Variants in NOMO2 observed in about 807,000 individuals in gnomAD.
NOMO2 encodes NODAL modulator 2, also known as BOS complex subunit NOMO2.
A neutral mutation model predicts 67.1 loss-of-function variants in NOMO2; 14 were observed. The observed-to-expected ratio is 0.21, with a 90% CI of 0.14 to 0.33. The LOEUF (loss-of-function observed/expected upper bound fraction) is 0.33, where lower values mean the gene tolerates loss of function less well. Among genes scored for constraint, NOMO2 ranks in the 10% least tolerant of loss-of-function variants. The pLI, the probability that NOMO2 is intolerant of heterozygous loss-of-function variation, is 1.00. For missense variants in NOMO2, 178 were observed against 761.0 expected (o/e 0.23, Z 9.01); for synonymous variants, 80 against 305.9 (o/e 0.26, Z 7.71).
At chr16:18,542,382 C>T (rs1901566417) in intron 8 of NOMO2, 121 bp from the exon 9 acceptor site, 1 of 692,034 alleles carries the variant, frequency 1.4e-6, no homozygotes, top group South Asian at 1.7e-5. Flanking sequence ...AAACATTCAT[C>T]ATAACTGTTG....
intron 13 of NOMO2, 144 bp downstream of exon 13, chr16:18,531,322 C>T (rs2434761): frequency 2.3e-5 from 29 of 1,273,646 alleles, no homozygotes; most frequent in African/African-American, 1.3e-4. Flanking sequence ...AGCTAACATG[C>T]ACCCACTTGA....
chr16:18,555,373 T>A (rs1226189407), intron 2 of NOMO2, among the ~76,000 whole-genome samples: 1 of 146,330 alleles, frequency 6.8e-6, no homozygotes. Context: ...GTACAAAAAA[T>A]GTTCTTAAAA....
intron 16 of NOMO2, among the ~76,000 whole-genome samples, chr16:18,525,240 A>G (rs1447558506): frequency 2.0e-5 from 3 of 151,152 alleles, no homozygotes; most frequent in Non-Finnish European, 4.4e-5. Context: ...AAAAAAAATC[A>G]GGTTTCTCTG....
intron 3 of NOMO2, among the ~76,000 whole-genome samples, chr16:18,552,469 GCACACACACA>G (rs201636709): frequency 4.1e-5 from 4 of 97,704 alleles, no homozygotes; most frequent in Non-Finnish European, 8.7e-5. Context: ...ACGCGTACAT[GCACACACACA>G]CACACACACA....
intron 11 of NOMO2, 30 bp downstream of exon 11, chr16:18,538,496 G>A: frequency 6.2e-7 from 1 of 1,612,880 alleles, no homozygotes; most frequent in East Asian, 2.2e-5. Flanking sequence ...CATATTTACT[G>A]GTGCTTCCAA....
intron 3 of NOMO2, 58 bp downstream of exon 3, chr16:18,554,749 A>G (rs1446557494): frequency 3.1e-6 from 1 of 322,492 alleles, no homozygotes; most frequent in Non-Finnish European, 5.6e-6. Context: ...GCCTAAATTA[A>G]TATTCGGCAT....
chr16:18,550,962 A>G (rs919404511), intron 4 of NOMO2, among the ~76,000 whole-genome samples: 16 of 151,666 alleles, frequency 1.1e-4, no homozygotes, highest in Admixed American at 7.9e-4. Context: ...GTTTGAGACC[A>G]GCCTGGCCAA....
chr16:18,540,261 TTCC>T (rs1038843817), intron 9 of NOMO2, among the ~76,000 whole-genome samples: 1 of 146,040 alleles, frequency 6.8e-6, no homozygotes, highest in African/African-American at 2.5e-5. Context: ...CAGGTAGTCC[TTCC>T]TGATCTTTCC....
At position 18,561,926 on chromosome 16, in the gene NOMO2, A is replaced by C. The variant is rs1229997038; in HGVS notation, c.115T>G (p.Cys39Gly). 6.3e-7 allele frequency: 1 copy of C among 1,579,250 alleles called. No individual in the cohort carries two copies. Among genetic ancestry groups the C allele is most frequent in the East Asian group, 2.3e-5 (1 of 42,640 alleles). Reference protein sequence around the residue: ...AHGSEDIVVGCGGFVKSDVEI... With the variant: ...AHGSEDIVVGGGGFVKSDVEI... ...ACGTCCGACTTGACGAAGCCACCGC[A>C]GCCCACCACGATGTCCTCCGAGCCG... Residue 39 changes from cysteine (C) to glycine (G), a missense_variant, in exon 1 of 31, where the codon TGC (cysteine) becomes GGC (glycine). Physicochemically the swap from Cys to Gly is radical, Grantham distance 159. Coordinates refer to ENST00000622306, the MANE Select transcript of NOMO2 (RefSeq NM_173614.4).
intron 9 of NOMO2, among the ~76,000 whole-genome samples, chr16:18,539,694 T>C (rs1596852665): frequency 6.6e-6 from 1 of 151,490 alleles, no homozygotes; most frequent in African/African-American, 2.4e-5. Context: ...GATGCGGAGG[T>C]TGCAGTGAGC....
intron 1 of NOMO2, among the ~76,000 whole-genome samples, chr16:18,560,603 C>T (rs539467662): frequency 6.6e-6 from 1 of 151,966 alleles, no homozygotes; most frequent in East Asian, 2.0e-4. Context: ...TGCCTGACCT[C>T]TGACCTCTTC....
At chr16:18,535,807 T>TA (rs1263104943) in intron 11 of NOMO2, among the ~76,000 whole-genome samples, 2 of 152,004 alleles carry the variant, frequency 1.3e-5, no homozygotes, top group African/African-American at 4.8e-5. Flanking sequence ...TAACTCTTTT[T>TA]TTTTTCTGAG....
chr16:18,550,709 T>C (rs942167069), intron 4 of NOMO2, among the ~76,000 whole-genome samples: 3 of 152,044 alleles, frequency 2.0e-5, no homozygotes, highest in Non-Finnish European at 4.4e-5. Flanking sequence ...AGAACTTAAA[T>C]AATAGGAATC....
intron 11 of NOMO2, among the ~76,000 whole-genome samples, chr16:18,536,385 C>T (rs1467855378): frequency 1.3e-5 from 2 of 152,242 alleles, no homozygotes; most frequent in East Asian, 1.9e-4. Flanking sequence ...TGATCTCTTC[C>T]CTGCACAACA....
Position 18,527,927 on chromosome 16 carries a change from G to A in NOMO2, c.1807-303C>T, listed in dbSNP as rs1327857450. 59 of 535,490 alleles carry A rather than the reference G, an allele frequency of 1.1e-4. No individual in the cohort carries two copies. In the East Asian group the frequency reaches 2.2e-3, roughly 20 times the overall value. 33.2% of individuals were successfully genotyped at this position (535,490 alleles called of 1,614,324 possible). A position where few individuals can be genotyped will look rare whatever the true frequency, so the allele number is the denominator to read the frequency against. On this transcript the variant is annotated intron_variant, in intron 15 of 30. Coordinates refer to ENST00000622306, the MANE Select transcript of NOMO2 (RefSeq NM_173614.4). Reference sequence around the variant, plus strand: ...TCTAATACAGGAAGACAAAATCAACGCATCAACAAATAAATTAGTGATCTC... The same window carrying A: ...TCTAATACAGGAAGACAAAATCAACACATCAACAAATAAATTAGTGATCTC...
At chr16:18,541,654 CA>C (rs1187598839) in intron 9 of NOMO2, among the ~76,000 whole-genome samples, 5 of 136,422 alleles carry the variant, frequency 3.7e-5, no homozygotes, top group Non-Finnish European at 6.4e-5. Flanking sequence ...ACAGCCTGGG[CA>C]ACATGGTGAA....
intron 9 of NOMO2, among the ~76,000 whole-genome samples, chr16:18,539,983 T>C (rs1901512200): frequency 1.3e-5 from 2 of 151,460 alleles, no homozygotes; most frequent in African/African-American, 2.4e-5. Flanking sequence ...GTATCTGAAA[T>C]GTCCTCGTTC....
At chr16:18,537,023 G>A (rs572549381) in intron 11 of NOMO2, among the ~76,000 whole-genome samples, 25 of 151,910 alleles carry the variant, frequency 1.6e-4, no homozygotes, top group Non-Finnish European at 3.4e-4. Context: ...ATGACCTCAC[G>A]CTCCCTAGGT....
chr16:18,536,406 T>A (rs1257723037), intron 11 of NOMO2, among the ~76,000 whole-genome samples: 2 of 152,256 alleles, frequency 1.3e-5, no homozygotes, highest in Admixed American at 1.3e-4. Flanking sequence ...CTTGCCATAA[T>A]TTAGCAGCAT....
Sources: allele counts gnomAD v4.1 joint callset (sites outside exome capture counted in the v4.1 genomes callset), GRCh38; gene constraint gnomAD v4.1.1; transcripts MANE v1.5; gene names NCBI Gene and HGNC (gene_info 2026-07-23, HGNC 2026-07-21).